The following PCNX2 variants were observed in gnomAD, a reference collection of about 807,000 sequenced individuals.
PCNX2 encodes pecanex 2.
PCNX2 carries 168 observed loss-of-function variants against 223.8 expected under a neutral mutation model. The observed-to-expected ratio is 0.75, with a 90% CI of 0.66 to 0.85. The LOEUF (loss-of-function observed/expected upper bound fraction) is 0.85, where lower values mean the gene tolerates loss of function less well. Ranked by LOEUF, PCNX2 falls within the 40% of genes least tolerant of loss-of-function variation. The pLI is 0.00. For missense variants in PCNX2, 2,507 were observed against 2,675.5 expected (o/e 0.94, Z 1.39); for synonymous variants, 1,006 against 1,052.6 (o/e 0.96, Z 0.86).
chr1:233,177,297 G>T (rs528197548), intron 17 of PCNX2, among the ~76,000 whole-genome samples: 2 of 152,324 alleles, frequency 1.3e-5, no homozygotes, highest in Admixed American at 1.3e-4. Flanking sequence ...CTTATTTAAA[G>T]GTGTTTTTAC....
At chr1:233,187,515 C>G (rs75321931) in intron 15 of PCNX2, among the ~76,000 whole-genome samples, 1 of 152,240 alleles carries the variant, frequency 6.6e-6, no homozygotes, top group Non-Finnish European at 1.5e-5. Context: ...TGGATTTGAT[C>G]CCAGCATGCT....
At position 233,281,038 on chromosome 1, in the gene PCNX2, T is replaced by C. The variant is rs1661169776; in HGVS notation, c.153+14288A>G. ...GGAATAATAAATTCAGATATGCTGT[T>C]GTAAGAAGAAGCCAAGTGCAACAGA... On this transcript the variant is annotated intron_variant, in intron 1 of 33. Coordinates refer to ENST00000258229, the MANE Select transcript of PCNX2 (RefSeq NM_014801.4). Among the ~76,000 whole-genome samples, 4 of 152,326 alleles carry C rather than the reference T, an allele frequency of 2.6e-5. No homozygotes were observed. The East Asian group carries it at 7.7e-4, about 29-fold the overall frequency.
chr1:233,243,918 G>A (rs997356719), intron 8 of PCNX2, among the ~76,000 whole-genome samples: 1 of 151,630 alleles, frequency 6.6e-6, no homozygotes. Context: ...CACAACCTCC[G>A]CCTCCCAGGT....
chr1:233,094,568 T>A (rs55879889), intron 22 of PCNX2, among the ~76,000 whole-genome samples: 371 of 152,150 alleles, frequency 2.4e-3, no homozygotes, highest in African/African-American at 7.8e-3. Flanking sequence ...ACATTTTTTT[T>A]AAAAAAAGTT....
intron 5 of PCNX2, among the ~76,000 whole-genome samples, chr1:233,256,805 CCTGT>C (rs539689631): frequency 3.3e-5 from 5 of 152,246 alleles, no homozygotes; most frequent in Admixed American, 3.3e-4. Flanking sequence ...TATATACCGC[CCTGT>C]CTGTTAAAAA....
At chr1:233,252,324 G>A (rs1659503024) in intron 7 of PCNX2, 30 bp downstream of exon 7, 3 of 1,580,072 alleles carry the variant, frequency 1.9e-6, no homozygotes, top group African/African-American at 2.7e-5. Flanking sequence ...TTCCCTGCTT[G>A]TTCATTAGTA....
chr1:233,205,159 A>G (rs1214834210), intron 13 of PCNX2, among the ~76,000 whole-genome samples: 1 of 152,186 alleles, frequency 6.6e-6, no homozygotes, highest in African/African-American at 2.4e-5. Flanking sequence ...AGCAAATAAA[A>G]ATTTTAAAAA....
intron 9 of PCNX2, among the ~76,000 whole-genome samples, chr1:233,232,561 A>G (rs1370055835): frequency 6.6e-6 from 1 of 152,226 alleles, no homozygotes; most frequent in Non-Finnish European, 1.5e-5. Context: ...TTTTCTTTTT[A>G]AAGTATTAAT....
chr1:233,119,249 CG>C (rs1388064366), intron 21 of PCNX2, among the ~76,000 whole-genome samples: 1 of 151,198 alleles, frequency 6.6e-6, no homozygotes, highest in Non-Finnish European at 1.5e-5. Flanking sequence ...AAGTATAAAA[CG>C]AAAAGTATAA....
chr1:233,227,054 T>G lies in PCNX2; in HGVS notation c.2504+172A>C, dbSNP rs140452633. 6.3e-3 allele frequency among the ~76,000 whole-genome samples: 953 copies of G among 152,346 alleles called. 11 individuals are homozygous for G. The highest frequency in any genetic ancestry group is 0.022 in the African/African-American group (897 of 41,580). The stretch of plus-strand genomic sequence containing the variant: ...CTCTCTTATTTCTCATTGTAACTGC[T>G]GAACTACAATTTGTTGTCAGGATCT... On this transcript the variant is annotated intron_variant, in intron 10 of 33. Coordinates refer to ENST00000258229, the MANE Select transcript of PCNX2 (RefSeq NM_014801.4).
intron 9 of PCNX2, among the ~76,000 whole-genome samples, chr1:233,235,540 T>G (rs1028496616): frequency 6.6e-6 from 1 of 152,198 alleles, no homozygotes; most frequent in African/African-American, 2.4e-5. Context: ...AAAAGGTAAC[T>G]CAACATTTTC....
At chr1:233,194,068 TA>T (rs60627703) in intron 15 of PCNX2, among the ~76,000 whole-genome samples, 27,571 of 131,842 alleles carry the variant, frequency 0.21, 3,891 homozygotes, top group African/African-American at 0.42. Context: ...CTAAGTAAAA[TA>T]AAAAAAAAAA....
chr1:233,148,491 G>A (rs558004987), intron 19 of PCNX2, among the ~76,000 whole-genome samples: 39 of 150,902 alleles, frequency 2.6e-4, no homozygotes, highest in African/African-American at 8.5e-4. Flanking sequence ...GGAGTCCAGT[G>A]GCGGGATCTT....
intron 15 of PCNX2, among the ~76,000 whole-genome samples, chr1:233,184,529 C>T (rs1366607457): frequency 6.6e-6 from 1 of 152,032 alleles, no homozygotes; most frequent in Non-Finnish European, 1.5e-5. Context: ...TTGAGTTTAC[C>T]TACTTTTATT....
intron 28 of PCNX2, among the ~76,000 whole-genome samples, chr1:233,004,636 G>C (rs1050233748): frequency 6.6e-6 from 1 of 152,218 alleles, no homozygotes; most frequent in African/African-American, 2.4e-5. Flanking sequence ...GGGAGTCTCT[G>C]AGGACGGCTG....
In PCNX2 at chr1:233,014,757, A is replaced by G; in HGVS notation, c.4860T>C (p.Ser1620=). The change falls in exon 28 of 34, where the codon AGT becomes AGC. Residue 1620 remains serine (S), a synonymous_variant. Coordinates refer to ENST00000258229, the MANE Select transcript of PCNX2 (RefSeq NM_014801.4). The part of the protein sequence containing the change: ...KRQEPSTTLD[S]DEDSPLVTLS... ...GAGTCACCAAGGGAGAGTCCTCGTC[A>G]CTGTCCAGGGTCGTTGAAGGCTGAA... The G allele has an allele frequency of 1.2e-6, 2 of 1,613,836 alleles. No homozygotes were observed. The highest frequency in any genetic ancestry group is 2.2e-5 in the East Asian group (1 of 44,860).
intron 25 of PCNX2, chr1:233,033,258 A>G (rs1671332603): frequency 1.1e-6 from 1 of 929,370 alleles, no homozygotes. Context: ...TAATTTCAAG[A>G]AGGAATAAAC....
At chr1:233,098,050 G>T (rs1014567397) in intron 21 of PCNX2, among the ~76,000 whole-genome samples, 2 of 152,086 alleles carry the variant, frequency 1.3e-5, no homozygotes, top group African/African-American at 4.8e-5. Context: ...ATTCTTAGTT[G>T]AGTTATTAAG....
the PCNX2 span, among the ~76,000 whole-genome samples, chr1:233,312,000 G>T: frequency 3.9e-5 from 6 of 152,034 alleles, no homozygotes; most frequent in South Asian, 1.2e-3. Flanking sequence ...GGTGGCAGGC[G>T]CCTATAGTCC....
Sources: gnomAD v4.1 joint callset for allele counts (sites outside exome capture counted in the v4.1 genomes callset) on GRCh38, gnomAD v4.1.1 for gene constraint, MANE v1.5 for transcripts, NCBI Gene and HGNC (gene_info 2026-07-23, HGNC 2026-07-21) for gene names.